The following TRIM5 variants were observed in gnomAD, a reference collection of about 807,000 sequenced individuals.
TRIM5 encodes tripartite motif-containing protein 5.
Under a neutral mutation model 35.6 loss-of-function variants are expected in TRIM5, and 31 were observed. The ratio of observed to expected loss-of-function variants is 0.87; its 90% confidence interval spans 0.65 to 1.18. The LOEUF (loss-of-function observed/expected upper bound fraction) is 1.18. TRIM5 is among the 50% of genes most tolerant of loss of function. TRIM5 has a pLI of 0.00. For synonymous variants in TRIM5, 243 were observed against 215.6 expected (o/e 1.13, Z -1.11); for missense variants, 609 against 591.6 (o/e 1.03, Z -0.31).
At chr11:5,659,999 C>T (rs980925033), downstream of TRIM5, among the ~76,000 whole-genome samples, 9 of 151,482 alleles carry the variant, frequency 5.9e-5, no homozygotes, top group African/African-American at 1.5e-4. Flanking sequence ...TTTTTTGAAA[C>T]GGAGTCTCGC....
chr11:5,601,947 G>C, the TRIM5 span, among the ~76,000 whole-genome samples: 1 of 152,080 alleles, frequency 6.6e-6, no homozygotes, highest in Non-Finnish European at 1.5e-5. Flanking sequence ...AGGTGAAAGA[G>C]CTCATGGAAA....
the TRIM5 span, among the ~76,000 whole-genome samples, chr11:5,627,938 G>A: frequency 6.6e-6 from 1 of 152,162 alleles, no homozygotes; most frequent in Non-Finnish European, 1.5e-5. Flanking sequence ...CAGATGTTAG[G>A]AGTCCAGATG....
At chr11:5,651,146 G>A in the TRIM5 span, among the ~76,000 whole-genome samples, 8 of 152,150 alleles carry the variant, frequency 5.3e-5, no homozygotes, top group African/African-American at 1.9e-4. Context: ...TTTGGTTGTA[G>A]GCATGGCCAG....
At chr11:5,633,758 C>T in the TRIM5 span, 25 of 1,575,334 alleles carry the variant, frequency 1.6e-5, no homozygotes, top group African/African-American at 3.2e-4. Context: ...TATCCAGATA[C>T]TAAGAAAGCT....
the TRIM5 span, chr11:5,610,177 C>T: frequency 6.2e-7 from 1 of 1,614,106 alleles, no homozygotes; most frequent in South Asian, 1.1e-5. Flanking sequence ...AAGCCAGAAG[C>T]TCTCCCTACA....
chr11:5,634,706 C>A, the TRIM5 span: 8 of 1,613,862 alleles, frequency 5.0e-6, no homozygotes, highest in African/African-American at 1.1e-4. Context: ...TAATGAGGAG[C>A]AGAGAGAGCT....
chr11:5,680,061 G>A lies in TRIM5; in HGVS notation c.117C>T (p.Leu39=). The A allele has an allele frequency of 6.2e-7, 1 of 1,614,148 alleles. No homozygotes were observed. The highest frequency in any genetic ancestry group is 8.5e-7 in the Non-Finnish European group (1 of 1,180,038). ...GCATGGACTTCTTGTGGTTTGCAGTGAGGCATGCTTGGCAGAAGCTGTGGC... is the reference window on the plus strand; with the variant it reads ...GCATGGACTTCTTGTGGTTTGCAGTAAGGCATGCTTGGCAGAAGCTGTGGC... The part of the protein sequence containing the change: ...DCGHSFCQAC[L]TANHKKSMLD... Residue 39 remains leucine, a synonymous_variant, in exon 2 of 8, where the codon CTC becomes CTT. Transcript: ENST00000380034.
At chr11:5,592,696 C>T in the TRIM5 span, among the ~76,000 whole-genome samples, 5 of 151,898 alleles carry the variant, frequency 3.3e-5, no homozygotes, top group African/African-American at 7.3e-5. Context: ...GTGGGTGGAT[C>T]GCTTGAGTCC....
At chr11:5,605,618 A>C in the TRIM5 span, 2 of 1,548,660 alleles carry the variant, frequency 1.3e-6, no homozygotes, top group Non-Finnish European at 1.7e-6. Flanking sequence ...AAGAGAAACT[A>C]ACTTTCCTTC....
the TRIM5 span, among the ~76,000 whole-genome samples, chr11:5,646,084 T>A: frequency 2.2e-5 from 3 of 137,502 alleles, no homozygotes; most frequent in African/African-American, 5.8e-5. Flanking sequence ...GTATACATTT[T>A]AATATACATG....
chr11:5,593,771 C>A, the TRIM5 span, among the ~76,000 whole-genome samples: 11 of 152,172 alleles, frequency 7.2e-5, no homozygotes, highest in Non-Finnish European at 1.2e-4. Flanking sequence ...AGAACTGCAG[C>A]AGTGGGTCCT....
chr11:5,662,086 T>G (rs1850846534), downstream of TRIM5, among the ~76,000 whole-genome samples: 1 of 152,200 alleles, frequency 6.6e-6, no homozygotes, highest in Non-Finnish European at 1.5e-5. Flanking sequence ...ATTTATAGCA[T>G]CAACCTCCTC....
chr11:5,611,007 C>A, the TRIM5 span: 1 of 1,614,082 alleles, frequency 6.2e-7, no homozygotes, highest in Non-Finnish European at 8.5e-7. Flanking sequence ...TTCACTGGGA[C>A]CTACATTCTC....
At chr11:5,654,894 A>C in the TRIM5 span, among the ~76,000 whole-genome samples, 1 of 152,158 alleles carries the variant, frequency 6.6e-6, no homozygotes, top group African/African-American at 2.4e-5. Context: ...GCAATATAAG[A>C]AATGGCATTT....
At chr11:5,679,647 A>T (rs1368901614) in intron 2 of TRIM5, 114 bp downstream of exon 2, 3 of 1,187,586 alleles carry the variant, frequency 2.5e-6, no homozygotes, top group Non-Finnish European at 3.5e-6. Context: ...CATGAAAAAA[A>T]TAATCCCGGG....
chr11:5,677,171 A>G (rs1852050188), intron 4 of TRIM5, among the ~76,000 whole-genome samples: 2 of 152,062 alleles, frequency 1.3e-5, no homozygotes, highest in Non-Finnish European at 1.5e-5. Context: ...CAGGCAACCT[A>G]CAAAATGGGA....
chr11:5,680,043 C>T lies in TRIM5; in HGVS notation c.135G>A (p.Lys45=). The change falls in exon 2 of 8, where the codon AAG becomes AAA. Residue 45 remains lysine, a synonymous_variant. Coordinates refer to ENST00000380034, the MANE Select transcript of TRIM5 (RefSeq NM_033034.3). The stretch of plus-strand genomic sequence containing the variant: ...TACTCTCTCCTTTGTCTAGCATGGA[C>T]TTCTTGTGGTTTGCAGTGAGGCATG... The part of the protein sequence containing the change: ...CQACLTANHK[K]SMLDKGESSC... 1 of 1,614,136 alleles carries T rather than the reference C, an allele frequency of 6.2e-7. No individual in the cohort carries two copies. The highest frequency in any genetic ancestry group is 8.5e-7 in the Non-Finnish European group (1 of 1,180,030).
At chr11:5,595,653 C>G in the TRIM5 span, among the ~76,000 whole-genome samples, 1 of 152,026 alleles carries the variant, frequency 6.6e-6, no homozygotes, top group African/African-American at 2.4e-5. Context: ...CTGGTGTTCT[C>G]AAAGGCCTCC....
At chr11:5,605,769 T>C in the TRIM5 span, among the ~76,000 whole-genome samples, 1 of 152,204 alleles carries the variant, frequency 6.6e-6, no homozygotes, top group South Asian at 2.1e-4. Flanking sequence ...CAAGGGAAAG[T>C]CCCATTTTTA....
Sources: allele counts gnomAD v4.1 joint callset (sites outside exome capture counted in the v4.1 genomes callset), GRCh38; gene constraint gnomAD v4.1.1; transcripts MANE v1.5; gene names NCBI Gene and HGNC (gene_info 2026-07-23, HGNC 2026-07-21).